Variants in DNAJC13 observed in about 807,000 individuals in gnomAD.
DNAJC13 encodes dnaJ homolog subfamily C member 13.
A neutral mutation model predicts 290.5 loss-of-function variants in DNAJC13; 75 were observed. The ratio of observed to expected loss-of-function variants is 0.26; its 90% CI spans 0.21 to 0.31. The LOEUF is 0.31. Ranked by LOEUF, DNAJC13 falls within the 10% of genes least tolerant of loss-of-function variation. The probability of loss-of-function intolerance (pLI) is 1.00; values close to 1 mark genes in which losing one functional copy is unlikely to be tolerated. For missense variants in DNAJC13, 2,260 were observed against 2,674.5 expected (o/e 0.85, Z 3.42); for synonymous variants, 862 against 892.0 (o/e 0.97, Z 0.60).
chr3:132,489,373 G>A (rs1226823276), intron 31 of DNAJC13, among the ~76,000 whole-genome samples: 1 of 151,984 alleles, frequency 6.6e-6, no homozygotes, highest in African/African-American at 2.4e-5. Flanking sequence ...CTAAGATTCA[G>A]GAAGACTTCA....
At chr3:132,530,712 G>T (rs1936390412) in intron 54 of DNAJC13, among the ~76,000 whole-genome samples, 1 of 152,108 alleles carries the variant, frequency 6.6e-6, no homozygotes, top group Non-Finnish European at 1.5e-5. Flanking sequence ...CTCTGCATAG[G>T]TATCTTCCTC....
chr3:132,492,117 C>T (rs979470406), intron 32 of DNAJC13, among the ~76,000 whole-genome samples: 1 of 152,224 alleles, frequency 6.6e-6, no homozygotes, highest in East Asian at 1.9e-4. Context: ...GCTACACCCT[C>T]ATGCATTCAG....
intron 51 of DNAJC13, 142 bp downstream of exon 51, chr3:132,523,855 A>C: frequency 1.3e-6 from 1 of 762,362 alleles, no homozygotes; most frequent in Non-Finnish European, 2.0e-6. Flanking sequence ...AAATTCACAT[A>C]TGCCCCTCGA....
intron 2 of DNAJC13, among the ~76,000 whole-genome samples, chr3:132,441,717 G>A (rs973100206): frequency 6.6e-6 from 1 of 152,158 alleles, no homozygotes; most frequent in African/African-American, 2.4e-5. Context: ...TTATGATGGC[G>A]ACCAGTATTT....
At chr3:132,470,678 C>T (rs1934189499) in intron 20 of DNAJC13, among the ~76,000 whole-genome samples, 1 of 128,860 alleles carries the variant, frequency 7.8e-6, no homozygotes, top group African/African-American at 3.0e-5. Flanking sequence ...GACACCCCCA[C>T]CTCCCTCCCG....
intron 42 of DNAJC13, among the ~76,000 whole-genome samples, chr3:132,507,013 C>A (rs148879868): frequency 6.6e-6 from 1 of 152,010 alleles, no homozygotes; most frequent in Non-Finnish European, 1.5e-5. Context: ...GACCTCTGAT[C>A]CTTTGAAATT....
chr3:132,484,774 A>G, intron 29 of DNAJC13, 102 bp downstream of exon 29: 2 of 1,149,558 alleles, frequency 1.7e-6, no homozygotes, highest in Non-Finnish European at 2.6e-6. Flanking sequence ...TCCATTTTCA[A>G]AAAGCCTAAA....
At chr3:132,503,980 A>T (rs1411639922) in intron 41 of DNAJC13, among the ~76,000 whole-genome samples, 4 of 84,214 alleles carry the variant, frequency 4.7e-5, no homozygotes, top group South Asian at 6.0e-4. Flanking sequence ...CTTTAATTAT[A>T]AAAAAAAAAA....
At chr3:132,530,742 G>A (rs529204264) in intron 54 of DNAJC13, among the ~76,000 whole-genome samples, 112 of 152,266 alleles carry the variant, frequency 7.4e-4, no homozygotes, top group Middle Eastern at 6.8e-3. Flanking sequence ...CATATAAGTC[G>A]GTAATTGTAG....
intron 1 of DNAJC13, among the ~76,000 whole-genome samples, chr3:132,422,024 T>C (rs1396117530): frequency 6.6e-6 from 1 of 151,662 alleles, no homozygotes; most frequent in African/African-American, 2.4e-5. Flanking sequence ...TTCTGGACTT[T>C]TTTCTTTTTC....
intron 55 of DNAJC13, among the ~76,000 whole-genome samples, chr3:132,536,735 C>T (rs1164941536): frequency 1.3e-5 from 2 of 152,096 alleles, no homozygotes; most frequent in African/African-American, 4.8e-5. Flanking sequence ...CTCTGAACTG[C>T]GTTGTCAGAA....
rs1214703522 is a variant in DNAJC13 at position 132,476,219 on chromosome 3, CTA to C, written c.2445+1136_2445+1137del. On this transcript the variant is annotated intron_variant, in intron 22 of 55. Transcript: ENST00000260818. ...ACTTTTAGCCCTAGACTTCATACTT[CTA>C]TCTCATAATTGGATATCTGATAAGT... 3.9e-5 allele frequency among the ~76,000 whole-genome samples: 6 copies of C among 152,330 alleles called. No individual in the cohort carries two copies. The East Asian group carries it at 1.2e-3, about 29-fold the overall frequency.
intron 28 of DNAJC13, 38 bp from the exon 29 acceptor site, chr3:132,484,550 A>C (rs1934788636): frequency 1.3e-6 from 2 of 1,581,700 alleles, no homozygotes; most frequent in African/African-American, 1.3e-5. Flanking sequence ...AAATTTTAAC[A>C]AATATATTAA....
At chr3:132,453,945 A>G in intron 8 of DNAJC13, 121 bp from the exon 9 acceptor site, 1 of 855,582 alleles carries the variant, frequency 1.2e-6, no homozygotes, top group South Asian at 1.8e-5. Flanking sequence ...AAACTCTTAT[A>G]TTGTAAACAA....
chr3:132,463,057 T>C (rs1271704866), intron 16 of DNAJC13, among the ~76,000 whole-genome samples: 1 of 152,244 alleles, frequency 6.6e-6, no homozygotes, highest in Non-Finnish European at 1.5e-5. Flanking sequence ...GTCTGTTGCA[T>C]ACTATGATGA....
intron 20 of DNAJC13, among the ~76,000 whole-genome samples, chr3:132,470,865 G>T (rs1338690173): frequency 7.4e-5 from 10 of 136,012 alleles, no homozygotes; most frequent in Non-Finnish European, 1.6e-4. Flanking sequence ...CTCCCTCCCG[G>T]ACAGGGCGGC....
rs1933620432 is a variant in DNAJC13, at chr3:132,456,953, G to A, written c.1349+121G>A. ...CAGATACCTTTTATAGGGTGATATGGTACTTTATTCATGAGAAATGAAAAA... is the reference window on the plus strand; with the variant it reads ...CAGATACCTTTTATAGGGTGATATGATACTTTATTCATGAGAAATGAAAAA... On this transcript the variant is annotated intron_variant, in intron 12 of 55. Coordinates refer to ENST00000260818, the MANE Select transcript of DNAJC13 (RefSeq NM_015268.4). 8 of 1,123,796 alleles carry A rather than the reference G, an allele frequency of 7.1e-6. No homozygotes were observed. In the East Asian group the frequency reaches 2.0e-4, roughly 28 times the overall value. The allele number at this position is 1,123,796 out of a possible 1,614,324, so 69.6% of individuals were successfully genotyped here.
intron 44 of DNAJC13, among the ~76,000 whole-genome samples, chr3:132,512,245 T>A (rs1031788641): frequency 5.3e-5 from 8 of 152,186 alleles, no homozygotes; most frequent in Non-Finnish European, 8.8e-5. Flanking sequence ...GAATTAACTC[T>A]CTCGTAATTT....
At chr3:132,499,530 T>C (rs1935345268) in intron 37 of DNAJC13, among the ~76,000 whole-genome samples, 2 of 152,224 alleles carry the variant, frequency 1.3e-5, no homozygotes, top group Admixed American at 6.5e-5. Context: ...AATGGTAATA[T>C]TGTTTACAAA....
Sources: gnomAD v4.1 joint callset for allele counts (sites outside exome capture counted in the v4.1 genomes callset) on GRCh38, gnomAD v4.1.1 for gene constraint, MANE v1.5 for transcripts, NCBI Gene and HGNC (gene_info 2026-07-23, HGNC 2026-07-21) for gene names.